The following USP10 variants were observed in gnomAD, a reference collection of about 807,000 sequenced individuals.
USP10 encodes the protein ubiquitin specific peptidase 10, also known as ubiquitin carboxyl-terminal hydrolase 10.
USP10 carries 22 observed loss-of-function variants against 84.5 expected under a neutral mutation model. The ratio of observed to expected loss-of-function variants is 0.26; its 90% CI spans 0.19 to 0.37. The LOEUF is 0.37. Ranked by LOEUF, USP10 falls within the 10% of genes least tolerant of loss-of-function variation. The pLI is 1.00. For synonymous variants in USP10, 454 were observed against 387.6 expected (o/e 1.17, Z -2.01); for missense variants, 1,019 against 998.9 (o/e 1.02, Z -0.27).
chr16:84,759,699 A>C (rs757393868), intron 6 of USP10, 192 bp from the exon 7 acceptor site: 5 of 687,506 alleles, frequency 7.3e-6, no homozygotes, highest in Non-Finnish European at 1.2e-5. Flanking sequence ...TTTAGCGTTT[A>C]CCAGCATATA....
chr16:84,779,787 T>A lies in USP10; in HGVS notation c.*705T>A, dbSNP rs1219357641. 6.6e-6 allele frequency: 1 copy of A among 152,654 alleles called. No homozygotes were observed. The highest frequency in any genetic ancestry group is 2.4e-5 in the African/African-American group (1 of 41,450). The allele number at this position is 152,654 out of a possible 1,614,324, so 9.5% of individuals were successfully genotyped here. A position where few individuals can be genotyped will look rare whatever the true frequency, so the allele number is the denominator to read the frequency against. ...ATGAAAAATGGGCAAATAATGAAGA[T>A]CTCTCCTTCAGTCTGCTCTGTTTAA... On this transcript the variant is annotated 3_prime_UTR_variant, in exon 14 of 14. Transcript: ENST00000219473.
chr16:84,753,653 T>C (rs1366236697), intron 4 of USP10, among the ~76,000 whole-genome samples: 1 of 152,212 alleles, frequency 6.6e-6, no homozygotes, highest in Admixed American at 6.5e-5. Flanking sequence ...CCCTTTACTG[T>C]GCGTCTTCTC....
rs548978183 is a variant in USP10, at chr16:84,748,418, C to T, written c.1192+2745C>T. Among the ~76,000 whole-genome samples the T allele has an allele frequency of 5.1e-4, 77 of 152,048 alleles. 1 individual carries two copies. The highest frequency in any genetic ancestry group is 1.7e-3 in the African/African-American group (70 of 41,500). On this transcript the variant is annotated intron_variant, in intron 4 of 13. Coordinates refer to ENST00000219473, the MANE Select transcript of USP10 (RefSeq NM_005153.3). The stretch of plus-strand genomic sequence containing the variant: ...TCCTGGGTTCAGGCAATTCTCCTGC[C>T]TCAGCCTCCCTAGTAGCTGGGACTA...
chr16:84,719,163 A>T (rs1907458008), intron 1 of USP10, among the ~76,000 whole-genome samples: 1 of 152,208 alleles, frequency 6.6e-6, no homozygotes, highest in African/African-American at 2.4e-5. Flanking sequence ...CCTTAAAAGC[A>T]CTAAAAGAGT....
intron 3 of USP10, among the ~76,000 whole-genome samples, chr16:84,741,297 G>A (rs1910589984): frequency 6.6e-6 from 1 of 152,134 alleles, no homozygotes; most frequent in Non-Finnish European, 1.5e-5. Flanking sequence ...TCTAACAATA[G>A]CTTAGGACAA....
chr16:84,747,482 T>TC (rs1185958695), intron 4 of USP10, among the ~76,000 whole-genome samples: 1 of 152,134 alleles, frequency 6.6e-6, no homozygotes, highest in Non-Finnish European at 1.5e-5. Context: ...GTTCTGAAGT[T>TC]CTCTTAAATG....
chr16:84,722,407 G>T (rs533065791), intron 1 of USP10, among the ~76,000 whole-genome samples: 2 of 152,184 alleles, frequency 1.3e-5, no homozygotes, highest in Non-Finnish European at 2.9e-5. Context: ...TGTCTGTGTG[G>T]ACATAGGTTT....
intron 1 of USP10, among the ~76,000 whole-genome samples, chr16:84,713,227 A>C (rs1906538754): frequency 6.6e-6 from 1 of 152,120 alleles, no homozygotes; most frequent in Non-Finnish European, 1.5e-5. Flanking sequence ...TGTGCCAGGC[A>C]TTGTTGGTAC....
At chr16:84,774,926 G>A (rs117879661) in intron 12 of USP10, among the ~76,000 whole-genome samples, 1,740 of 152,168 alleles carry the variant, frequency 0.011, 23 homozygotes, top group Middle Eastern at 0.044. Flanking sequence ...TCACAGCCTC[G>A]GCCGTTGCTC....
intron 1 of USP10, among the ~76,000 whole-genome samples, chr16:84,701,804 G>A (rs2150747503): frequency 2.0e-5 from 3 of 152,218 alleles, no homozygotes; most frequent in Admixed American, 2.0e-4. Flanking sequence ...AATTGGAGTA[G>A]CAAAAGTTGG....
intron 11 of USP10, 57 bp downstream of exon 11, chr16:84,768,415 G>A: frequency 7.0e-7 from 1 of 1,434,250 alleles, no homozygotes; most frequent in African/African-American, 1.4e-5. Context: ...TTGGTGGAAA[G>A]AACACAAAAT....
At chr16:84,761,234 G>A (rs1329314533) in intron 8 of USP10, among the ~76,000 whole-genome samples, 1 of 152,176 alleles carries the variant, frequency 6.6e-6, no homozygotes, top group African/African-American at 2.4e-5. Flanking sequence ...ACCCAGAGGG[G>A]CCCACCTAGC....
chr16:84,707,689 T>G (rs2150756299), intron 1 of USP10, among the ~76,000 whole-genome samples: 1 of 152,340 alleles, frequency 6.6e-6, no homozygotes, highest in Non-Finnish European at 1.5e-5. Context: ...TTCTGGAGAT[T>G]GAAGTGACTT....
intron 1 of USP10, among the ~76,000 whole-genome samples, chr16:84,731,178 A>G (rs1909176859): frequency 1.3e-5 from 2 of 151,220 alleles, no homozygotes; most frequent in East Asian, 1.9e-4. Flanking sequence ...ACGGGGTTTC[A>G]CCGTGTTAGC....
chr16:84,741,056 C>T (rs1414920744), intron 3 of USP10, among the ~76,000 whole-genome samples: 3 of 152,238 alleles, frequency 2.0e-5, no homozygotes, highest in Non-Finnish European at 4.4e-5. Context: ...AAGGCCCTTA[C>T]TGGCCTCCAG....
chr16:84,765,625 G>A (rs892666769), intron 10 of USP10, among the ~76,000 whole-genome samples: 16 of 152,080 alleles, frequency 1.1e-4, no homozygotes, highest in African/African-American at 3.9e-4. Context: ...GCTGAATAGT[G>A]TTCCCTTGTC....
intron 1 of USP10, among the ~76,000 whole-genome samples, chr16:84,703,412 A>G (rs1360440347): frequency 6.6e-6 from 1 of 152,160 alleles, no homozygotes; most frequent in Non-Finnish European, 1.5e-5. Flanking sequence ...GACTCACCCC[A>G]GTCTCTTTTT....
intron 1 of USP10, among the ~76,000 whole-genome samples, chr16:84,712,865 T>C (rs901532123): frequency 2.0e-5 from 3 of 152,190 alleles, no homozygotes; most frequent in African/African-American, 7.2e-5. Flanking sequence ...AAGTGTAGTC[T>C]GGAGATGATA....
rs1905262526 is a variant in USP10 at position 84,704,773 on chromosome 16, C to CT, written c.21+4664dup. ...CCATGATCCCATTTTCATCAGATGA[C>CT]TTGAGAACCCAGAAGCTCTACCAGC... is the stretch of plus-strand genomic sequence containing the variant. On this transcript the variant is annotated intron_variant, in intron 1 of 13. Coordinates refer to ENST00000219473, the MANE Select transcript of USP10 (RefSeq NM_005153.3). The CT allele has an allele frequency of 1.6e-5, 24 of 1,535,312 alleles. No homozygotes were observed. The South Asian group carries it at 2.3e-4, about 14-fold the overall frequency.
Sources: gnomAD v4.1 joint callset for allele counts (sites outside exome capture counted in the v4.1 genomes callset) on GRCh38, gnomAD v4.1.1 for gene constraint, MANE v1.5 for transcripts, NCBI Gene and HGNC (gene_info 2026-07-23, HGNC 2026-07-21) for gene names.